The following ANKS1A variants were observed in gnomAD, a reference collection of about 807,000 sequenced individuals.
ANKS1A encodes ankyrin repeat and sterile alpha motif domain containing 1A.
A neutral mutation model predicts 120.3 loss-of-function variants in ANKS1A; 55 were observed. That is an observed-to-expected ratio of 0.46 (90% CI 0.37 to 0.57). The LOEUF (loss-of-function observed/expected upper bound fraction) is 0.57, where lower values mean the gene tolerates loss of function less well. Ranked by LOEUF, ANKS1A falls within the 20% of genes least tolerant of loss-of-function variation. The pLI is 0.00. For missense variants in ANKS1A, 1,123 were observed against 1,480.3 expected, an observed-to-expected ratio of 0.76 and a Z score of 3.96; for synonymous variants, 590 against 604.7, an observed-to-expected ratio of 0.98 and a Z score of 0.36.
intron 1 of ANKS1A, among the ~76,000 whole-genome samples, chr6:34,899,846 G>A (rs985947487): frequency 6.6e-6 from 1 of 152,184 alleles, no homozygotes. Context: ...TCCTCAATGG[G>A]GCCAGCCGCC....
chr6:35,001,311 A>G (rs1407521147), intron 10 of ANKS1A, among the ~76,000 whole-genome samples: 2 of 152,288 alleles, frequency 1.3e-5, no homozygotes, highest in South Asian at 2.1e-4. Flanking sequence ...CAATTAAGAC[A>G]GCATACCAAG....
chr6:35,077,948 C>T (rs1271887264), intron 13 of ANKS1A, among the ~76,000 whole-genome samples: 7 of 152,186 alleles, frequency 4.6e-5, no homozygotes, highest in Admixed American at 6.5e-5. Context: ...TGCAGGTGGG[C>T]GCTCCGTGTG....
chr6:35,012,712 T>G (rs958273199), intron 10 of ANKS1A, among the ~76,000 whole-genome samples: 34 of 152,204 alleles, frequency 2.2e-4, no homozygotes, highest in African/African-American at 8.0e-4. Flanking sequence ...GAAGACCCCT[T>G]GCTTCAGTAG....
intron 2 of ANKS1A, among the ~76,000 whole-genome samples, chr6:34,969,054 A>G (rs962045329): frequency 6.6e-6 from 1 of 152,320 alleles, no homozygotes; most frequent in Admixed American, 6.5e-5. Context: ...TTAAATGACT[A>G]TAGTTTGTTA....
chr6:34,989,988 A>G (rs1772420336), intron 9 of ANKS1A, among the ~76,000 whole-genome samples: 1 of 152,226 alleles, frequency 6.6e-6, no homozygotes, highest in African/African-American at 2.4e-5. Context: ...TGCCATTAGA[A>G]TATATCTATG....
chr6:34,979,032 A>T (rs1398208803), intron 3 of ANKS1A, among the ~76,000 whole-genome samples: 3 of 151,560 alleles, frequency 2.0e-5, no homozygotes, highest in African/African-American at 7.3e-5. Flanking sequence ...AGTAGCTGGT[A>T]CTACAGGTGC....
chr6:35,052,609 T>TAAAAAAAAAAAAAAAAAAAAAAA (rs59378149), intron 11 of ANKS1A, among the ~76,000 whole-genome samples: 7 of 102,406 alleles, frequency 6.8e-5, no homozygotes, highest in East Asian at 3.1e-4. Context: ...TCTTCTCTGT[T>TAAAAAAAAAAAAAAAAAAAAAAA]AAAAAAAAAA....
At chr6:34,895,338 C>T (rs1391566821) in intron 1 of ANKS1A, among the ~76,000 whole-genome samples, 1 of 152,076 alleles carries the variant, frequency 6.6e-6, no homozygotes, top group Admixed American at 6.5e-5. Flanking sequence ...CACATGCCAC[C>T]ATGCCAGGCT....
At chr6:35,062,884 T>G (rs1314867372) in intron 13 of ANKS1A, among the ~76,000 whole-genome samples, 2 of 152,146 alleles carry the variant, frequency 1.3e-5, no homozygotes, top group Admixed American at 6.5e-5. Context: ...TTATATTGAG[T>G]CAAAATCTGT....
intron 1 of ANKS1A, among the ~76,000 whole-genome samples, chr6:34,957,150 TTTTG>T (rs1247265018): frequency 6.6e-6 from 1 of 152,206 alleles, no homozygotes; most frequent in Non-Finnish European, 1.5e-5. Flanking sequence ...CCTTTTGCCT[TTTTG>T]TTTGTTTTTA....
chr6:34,894,172 T>G (rs1014581702), intron 1 of ANKS1A, among the ~76,000 whole-genome samples: 12 of 152,318 alleles, frequency 7.9e-5, no homozygotes, highest in Non-Finnish European at 1.8e-4. Flanking sequence ...ACTTACAGTA[T>G]TTTTTAGTTC....
At chr6:34,925,431 G>A (rs1047048476) in intron 1 of ANKS1A, among the ~76,000 whole-genome samples, 2 of 152,164 alleles carry the variant, frequency 1.3e-5, no homozygotes, top group East Asian at 3.8e-4. Flanking sequence ...TGGGCCTTGG[G>A]GCAAAGGCCT....
intron 13 of ANKS1A, among the ~76,000 whole-genome samples, chr6:35,075,129 T>C (rs1777278996): frequency 6.6e-6 from 1 of 152,224 alleles, no homozygotes; most frequent in African/African-American, 2.4e-5. Flanking sequence ...GGTTGGATCT[T>C]GACTCTTACA....
rs894041356 is a variant in ANKS1A at position 35,020,366 on chromosome 6, G to C, written c.2010+2307G>C. Among the ~76,000 whole-genome samples the C allele has an allele frequency of 3.3e-5, 5 of 152,210 alleles. No homozygotes were observed. The East Asian group carries it at 9.6e-4, about 29-fold the overall frequency. ...ATTTAGAATATACAAGATGTGTGTA[G>C]GTTATATGCAATGTTATTTCATGTC... On this transcript the variant is annotated intron_variant, in intron 11 of 23. Coordinates refer to ENST00000360359, the MANE Select transcript of ANKS1A (RefSeq NM_015245.3).
At chr6:35,083,569 C>T in intron 20 of ANKS1A, 66 bp downstream of exon 20, 1 of 1,503,646 alleles carries the variant, frequency 6.7e-7, no homozygotes, top group Non-Finnish European at 9.3e-7. Context: ...CACAGGGCTC[C>T]AGGGCAAGCA....
intron 11 of ANKS1A, among the ~76,000 whole-genome samples, chr6:35,022,818 T>C (rs1242266685): frequency 6.6e-6 from 1 of 152,232 alleles, no homozygotes; most frequent in Non-Finnish European, 1.5e-5. Flanking sequence ...TTACTGATTA[T>C]AATTTGCTTT....
At chr6:35,008,548 T>G (rs1024707720) in intron 10 of ANKS1A, among the ~76,000 whole-genome samples, 1 of 152,194 alleles carries the variant, frequency 6.6e-6, no homozygotes, top group Admixed American at 6.5e-5. Flanking sequence ...CTGCACAAAG[T>G]CCTGCTGAAT....
At chr6:35,091,969 G>T (rs1463610144), downstream of ANKS1A, among the ~76,000 whole-genome samples, 1 of 152,186 alleles carries the variant, frequency 6.6e-6, no homozygotes, top group East Asian at 1.9e-4. Context: ...GGGAGAATTT[G>T]GGAAAGCACA....
At chr6:35,078,469 T>A in intron 13 of ANKS1A, 89 bp from the exon 14 acceptor site, 3 of 1,178,140 alleles carry the variant, frequency 2.5e-6, no homozygotes, top group Admixed American at 1.8e-5. Context: ...GAGAATTTGG[T>A]GCAGGGCCCT....
Sources: allele counts gnomAD v4.1 joint callset (sites outside exome capture counted in the v4.1 genomes callset), GRCh38; gene constraint gnomAD v4.1.1; transcripts MANE v1.5; gene names NCBI Gene and HGNC (gene_info 2026-07-23, HGNC 2026-07-21).